PTCH1: variants seen among roughly 807,000 people sequenced by gnomAD.
PTCH1 encodes patched 1.
Under a neutral mutation model 144.6 loss-of-function variants are expected in PTCH1, and 14 were observed. The observed-to-expected ratio is 0.10, with a 90% CI of 0.06 to 0.15. The LOEUF (loss-of-function observed/expected upper bound fraction) is 0.15, where lower values mean the gene tolerates loss of function less well. PTCH1 is among the 10% of genes least tolerant of loss of function. The pLI is 1.00. For missense variants in PTCH1, 1,623 were observed against 1,948.3 expected (o/e 0.83, Z 3.14); for synonymous variants, 833 against 793.6 (o/e 1.05, Z -0.83).
intron 2 of PTCH1, among the ~76,000 whole-genome samples, chr9:95,499,051 T>A (rs1429926074): frequency 6.6e-6 from 1 of 152,202 alleles, no homozygotes; most frequent in African/African-American, 2.4e-5. Context: ...CTCCACTCAC[T>A]GTCTCAGAAA....
In PTCH1 at chr9:95,508,381, C is replaced by T. The variant is rs886742178; in HGVS notation, c.-20G>A. The T allele has an allele frequency of 3.1e-5, 36 of 1,155,776 alleles. No homozygotes were observed. Among genetic ancestry groups the T allele is most frequent in the Middle Eastern group, 3.5e-4 (1 of 2,844 alleles). The allele number at this position is 1,155,776 out of a possible 1,614,324, so 71.6% of individuals were successfully genotyped here. ...GGCCATGTTGCCGCCGCCGCCGCCG[C>T]CGCCGCGGGGACGGAGGCTTCCCGG... On this transcript the variant is annotated 5_prime_UTR_variant, in exon 1 of 24. Coordinates refer to ENST00000331920, the MANE Select transcript of PTCH1 (RefSeq NM_000264.5).
intron 22 of PTCH1, among the ~76,000 whole-genome samples, chr9:95,448,062 C>T (rs2136589531): frequency 6.6e-6 from 1 of 152,320 alleles, no homozygotes; most frequent in East Asian, 1.9e-4. Flanking sequence ...CAGCCTGTTC[C>T]ATCTGATTGT....
intron 12 of PTCH1, among the ~76,000 whole-genome samples, chr9:95,475,514 A>G (rs2236407): frequency 0.4 from 61,105 of 152,092 alleles, 13,172 homozygotes; most frequent in African/African-American, 0.55. Flanking sequence ...AATTCTCCAC[A>G]GAGCCTCGCC....
In PTCH1 at chr9:95,478,045, C is replaced by A. The variant is rs370916305; in HGVS notation, c.1347+10G>T. 1 of 1,614,154 alleles carries A rather than the reference C, an allele frequency of 6.2e-7. No individual in the cohort carries two copies. Among genetic ancestry groups the A allele is most frequent in the Non-Finnish European group, 8.5e-7 (1 of 1,180,018 alleles). On this transcript the variant is annotated intron_variant, in intron 9 of 23. Coordinates refer to ENST00000331920, the MANE Select transcript of PTCH1 (RefSeq NM_000264.5). ...ACTCCAGCCCCCAGGAGCATGGCAT[C>A]GAGCGTTACCATGAGTAAGTAGCCG...
In PTCH1 at chr9:95,508,538, C is replaced by CACGGCGGGCGCTGCTGCCGCT; in HGVS notation, c.-198_-178dup. ...ACAGACCAGCCGCTGCTGCTGCTCA[C>CACGGCGGGCGCTGCTGCCGCT]ACGGCGGGCGCTGCTGCCGCTGCGG... On this transcript the variant is annotated 5_prime_UTR_variant, in exon 1 of 24. An upstream open reading frame in the 5' UTR gains an earlier in-frame stop. Transcript: ENST00000331920. 1 of 1,010,962 alleles carries CACGGCGGGCGCTGCTGCCGCT rather than the reference C, an allele frequency of 9.9e-7. No individual in the cohort carries two copies. Among genetic ancestry groups the CACGGCGGGCGCTGCTGCCGCT allele is most frequent in the Non-Finnish European group, 1.2e-6 (1 of 846,674 alleles). The allele number at this position is 1,010,962 out of a possible 1,614,324, so 62.6% of individuals were successfully genotyped here.
chr9:95,496,416 G>GT (rs1842794714), intron 2 of PTCH1, among the ~76,000 whole-genome samples: 1 of 152,074 alleles, frequency 6.6e-6, no homozygotes, highest in Non-Finnish European at 1.5e-5. Flanking sequence ...CGAGAAAAAA[G>GT]TGAGTGTGTT....
chr9:95,474,857 G>A (rs1047654225), intron 12 of PTCH1, among the ~76,000 whole-genome samples: 2 of 152,200 alleles, frequency 1.3e-5, no homozygotes, highest in African/African-American at 4.8e-5. Flanking sequence ...CTCTTGGTGA[G>A]TAGAGTAAAG....
chr9:95,468,982 G>A lies in PTCH1; in HGVS notation c.2019C>T (p.His673=), dbSNP rs587780695. ...QLRTEYDPHT[H]VYYTTAEPRS... ...GCGGCTCAGCGGTGGTGTAGTACACGTGCGTGTGGGGGTCGTACTCCGTGC... is the reference window on the plus strand; with the variant it reads ...GCGGCTCAGCGGTGGTGTAGTACACATGCGTGTGGGGGTCGTACTCCGTGC... The change falls in exon 14 of 24, where the codon CAC becomes CAT. Residue 673 remains histidine, a synonymous_variant. Transcript: ENST00000331920. 1.3e-5 allele frequency: 21 copies of A among 1,614,070 alleles called. No homozygotes were observed. The highest frequency in any genetic ancestry group is 3.3e-5 in the Admixed American group (2 of 60,018).
intron 10 of PTCH1, 34 bp downstream of exon 10, chr9:95,477,513 T>C: frequency 6.2e-7 from 1 of 1,613,970 alleles, no homozygotes. Flanking sequence ...GTGGCATTTG[T>C]CAACGGACAG....
chr9:95,497,660 G>A (rs1411229278), intron 2 of PTCH1, among the ~76,000 whole-genome samples: 5 of 152,136 alleles, frequency 3.3e-5, no homozygotes, highest in African/African-American at 7.2e-5. Flanking sequence ...TGACAAGAGC[G>A]CTCTTCCTGT....
At chr9:95,490,556 C>CACAAAA (rs745936852) in intron 2 of PTCH1, among the ~76,000 whole-genome samples, 9 of 141,056 alleles carry the variant, frequency 6.4e-5, no homozygotes, top group Non-Finnish European at 1.4e-4. Flanking sequence ...CACACACACA[C>CACAAAA]AAAAGAAAGA....
intron 2 of PTCH1, among the ~76,000 whole-genome samples, chr9:95,489,863 C>T: frequency 6.6e-6 from 1 of 151,028 alleles, no homozygotes; most frequent in East Asian, 2.0e-4. Flanking sequence ...TGCAGTGGCC[C>T]CATCTCAGCT....
chr9:95,516,703 C>T lies in PTCH1; in HGVS notation c.-232G>A, dbSNP rs772657973. Reference sequence around the variant, plus strand: ...TCTTCTTCTTCTTCTCCTCCTCCTCCGTCTTTACAAAAGGAACGGAAAGTG... The same window carrying T: ...TCTTCTTCTTCTTCTCCTCCTCCTCTGTCTTTACAAAAGGAACGGAAAGTG... On this transcript the variant is annotated 5_prime_UTR_variant, in exon 1 of 23. Transcript: ENST00000430669. 1.2e-5 allele frequency: 20 copies of T among 1,613,198 alleles called. No homozygotes were observed. In the Admixed American group the frequency reaches 3.2e-4, roughly 26 times the overall value.
At chr9:95,499,022 G>A (rs1842969069) in intron 2 of PTCH1, among the ~76,000 whole-genome samples, 1 of 152,170 alleles carries the variant, frequency 6.6e-6, no homozygotes, top group Admixed American at 6.5e-5. Flanking sequence ...GCACCTGGGA[G>A]GGAAAGCCAT....
rs1164371538 is a variant in PTCH1 at position 95,478,118 on chromosome 9, G to C, written c.1284C>G (p.Asp428Glu). ...KVLSFTTTTL[D>E]DILKSFSDVS... ...CGTCAGAGAAGGATTTCAGGATGTC[G>C]TCCAGGGTCGTGGTGGTGAAGGAAA... The change falls in exon 9 of 24, where the codon GAC (aspartate) becomes GAG (glutamate). Residue 428 changes from aspartate to glutamate, a missense_variant. Around this residue, in one of 7 missense-constraint regions of PTCH1, gnomAD observed 230 missense variants for 271.0 expected, o/e 0.85. Transcript: ENST00000331920. 1.2e-6 allele frequency: 2 copies of C among 1,614,168 alleles called. No individual in the cohort carries two copies. The highest frequency in any genetic ancestry group is 1.7e-6 in the Non-Finnish European group (2 of 1,180,026).
At chr9:95,496,713 T>C (rs1411367551) in intron 2 of PTCH1, among the ~76,000 whole-genome samples, 2 of 152,090 alleles carry the variant, frequency 1.3e-5, no homozygotes, top group African/African-American at 4.8e-5. Context: ...ACCAAAATGA[T>C]GGTATCATAT....
intron 22 of PTCH1, among the ~76,000 whole-genome samples, chr9:95,448,667 T>C (rs910522260): frequency 3.3e-5 from 5 of 152,042 alleles, no homozygotes; most frequent in African/African-American, 7.2e-5. Flanking sequence ...CTGACCTCTG[T>C]TGGCAATAAA....
chr9:95,469,025 T>A lies in PTCH1; in HGVS notation c.1976A>T (p.Gln659Leu). The A allele has an allele frequency of 6.2e-7, 1 of 1,614,032 alleles. No individual in the cohort carries two copies. The highest frequency in any genetic ancestry group is 1.3e-5 in the African/African-American group (1 of 75,014). ...CTCCGTGCGGAGCTGGACAGTGGACTGCATGGTAATCTGCGTTTCATGGGC... is the reference window on the plus strand; with the variant it reads ...CTCCGTGCGGAGCTGGACAGTGGACAGCATGGTAATCTGCGTTTCATGGGC... ...SFAHETQITM[Q>L]STVQLRTEYD... Residue 659 changes from glutamine to leucine, a missense_variant, in exon 14 of 24, where the codon CAG becomes CTG. Around this residue, in one of 7 missense-constraint regions of PTCH1, gnomAD observed 179 missense variants for 165.7 expected, o/e 1.08. Transcript: ENST00000331920.
chr9:95,474,772 A>C (rs1454774275), intron 12 of PTCH1, among the ~76,000 whole-genome samples: 1 of 152,190 alleles, frequency 6.6e-6, no homozygotes, highest in Non-Finnish European at 1.5e-5. Context: ...GAAAGAGCTA[A>C]ACATATTGAC....
Sources: gnomAD v4.1 joint callset for allele counts (sites outside exome capture counted in the v4.1 genomes callset) on GRCh38, gnomAD v4.1.1 for gene constraint, gnomAD v4.1.1 regional missense constraint, MANE v1.5 for transcripts, NCBI Gene and HGNC (gene_info 2026-07-23, HGNC 2026-07-21) for gene names.